Variants in CPXM2 observed in about 807,000 individuals in gnomAD.
CPXM2 encodes the protein inactive carboxypeptidase-like protein X2.
Under a neutral mutation model 86.1 loss-of-function variants are expected in CPXM2, and 66 were observed. That is an observed-to-expected ratio of 0.77 (90% CI 0.63 to 0.94). The LOEUF is 0.94. Among genes scored for constraint, CPXM2 ranks in the 40% least tolerant of loss-of-function variants. The pLI is 0.00. For synonymous variants in CPXM2, 388 were observed against 400.2 expected, an observed-to-expected ratio of 0.97 and a Z score of 0.36; for missense variants, 948 against 1,026.3, an observed-to-expected ratio of 0.92 and a Z score of 1.04.
In CPXM2 at chr10:123,797,965, G is replaced by A; in HGVS notation, c.889+11C>T. On this transcript the variant is annotated intron_variant, in intron 6 of 13. Coordinates refer to ENST00000241305, the MANE Select transcript of CPXM2 (RefSeq NM_198148.3). The stretch of plus-strand genomic sequence containing the variant: ...TCCCACCCTGCAGGAAGCACAGGAG[G>A]GTGAACTCACCTGGCAGTGGGCAGC... 1.3e-6 allele frequency: 2 copies of A among 1,590,474 alleles called. No individual in the cohort carries two copies. Among genetic ancestry groups the A allele is most frequent in the East Asian group, 4.6e-5 (2 of 43,908 alleles).
At position 123,776,636 on chromosome 10, in the gene CPXM2, C is replaced by T. The variant is rs1472160622; in HGVS notation, c.978+3531G>A. 2.6e-5 allele frequency: 4 copies of T among 152,216 alleles called. No homozygotes were observed. The South Asian group carries it at 8.3e-4, about 32-fold the overall frequency. 9.4% of individuals were successfully genotyped at this position (152,216 alleles called of 1,614,324 possible). ...TGCATCCACTCACCAGAACATTCTGCAACCTCACAATCACAATTATGAAGA... is the reference window on the plus strand; with the variant it reads ...TGCATCCACTCACCAGAACATTCTGTAACCTCACAATCACAATTATGAAGA... On this transcript the variant is annotated intron_variant, in intron 7 of 13. Coordinates refer to ENST00000241305, the MANE Select transcript of CPXM2 (RefSeq NM_198148.3).
At chr10:123,853,225 C>G (rs894962282) in intron 3 of CPXM2, among the ~76,000 whole-genome samples, 1 of 152,168 alleles carries the variant, frequency 6.6e-6, no homozygotes, top group African/African-American at 2.4e-5. Context: ...TGAGGCCTCC[C>G]AGAAGCAGAA....
At chr10:123,749,972 A>ATTTT in intron 13 of CPXM2, 1 of 214,714 alleles carries the variant, frequency 4.7e-6, no homozygotes, top group Non-Finnish European at 6.4e-6. Context: ...TGCTCGGCTA[A>ATTTT]TTTTTGTTTT....
At chr10:123,767,898 A>C (rs768660315) in intron 9 of CPXM2, among the ~76,000 whole-genome samples, 11 of 152,252 alleles carry the variant, frequency 7.2e-5, no homozygotes, top group Admixed American at 2.0e-4. Context: ...ACATGCCATG[A>C]TTAAGTCCTC....
At chr10:123,864,220 TGA>T (rs1848927424) in intron 2 of CPXM2, among the ~76,000 whole-genome samples, 1 of 115,076 alleles carries the variant, frequency 8.7e-6, no homozygotes, top group African/African-American at 3.4e-5. Context: ...CGGTCTGTCC[TGA>T]GAGATCCCGC....
chr10:123,756,344 T>C (rs750986089), intron 12 of CPXM2, among the ~76,000 whole-genome samples: 2 of 152,218 alleles, frequency 1.3e-5, no homozygotes, highest in African/African-American at 2.4e-5. Flanking sequence ...GTTTGGTTAG[T>C]TGCAGAACTA....
At position 123,754,669 on chromosome 10, in the gene CPXM2, G is replaced by T; in HGVS notation, c.2011C>A (p.Arg671=). Residue 671 remains arginine (R), a synonymous_variant, in exon 13 of 14, where the codon CGA becomes AGA. Transcript: ENST00000241305. This position sits in a 1 kb window ranked among gnomAD's most constrained non-coding sequence, Gnocchi z 4.0. ...TGCACACATTTGCAGTTACCTGTTC[G>T]GATGTCATGGTTAATGCCTTCTACG... ...ISVEGINHDI[R]TANDGDYWRL... The T allele has an allele frequency of 6.4e-7, 1 of 1,560,800 alleles. No individual in the cohort carries two copies. The highest frequency in any genetic ancestry group is 8.8e-7 in the Non-Finnish European group (1 of 1,131,248).
intron 4 of CPXM2, among the ~76,000 whole-genome samples, chr10:123,801,784 T>C (rs1351570862): frequency 6.6e-6 from 1 of 152,202 alleles, no homozygotes; most frequent in East Asian, 1.9e-4. Context: ...ATACTGTTTA[T>C]ACTCTCTCTT....
At chr10:123,912,674 A>C (rs1311624342) in intron 2 of CPXM2, among the ~76,000 whole-genome samples, 10 of 151,922 alleles carry the variant, frequency 6.6e-5, no homozygotes, top group African/African-American at 2.4e-4. Context: ...AGCCCTCTCC[A>C]CTCCGGCTGG....
At chr10:123,783,407 T>G (rs760562129) in intron 6 of CPXM2, among the ~76,000 whole-genome samples, 2 of 152,200 alleles carry the variant, frequency 1.3e-5, no homozygotes, top group Non-Finnish European at 2.9e-5. Flanking sequence ...GATATGCAAG[T>G]GTAAGCATGT....
At chr10:123,796,399 C>T (rs56141533) in intron 6 of CPXM2, among the ~76,000 whole-genome samples, 14,809 of 152,122 alleles carry the variant, frequency 0.097, 881 homozygotes, top group African/African-American at 0.18. Flanking sequence ...ATTTTTTCCA[C>T]GGGCTAGGGG....
intron 2 of CPXM2, among the ~76,000 whole-genome samples, chr10:123,874,133 G>A (rs1944940091): frequency 6.6e-6 from 1 of 152,076 alleles, no homozygotes. Context: ...AAAGTGCTGG[G>A]ATTACAGGAG....
chr10:123,757,010 G>A (rs1343192707), intron 12 of CPXM2, among the ~76,000 whole-genome samples: 1 of 152,236 alleles, frequency 6.6e-6, no homozygotes, highest in African/African-American at 2.4e-5. Flanking sequence ...CTCCAGGCCA[G>A]TGGGGACAAT....
chr10:123,850,215 A>G (rs907542853), intron 3 of CPXM2, among the ~76,000 whole-genome samples: 9 of 152,238 alleles, frequency 5.9e-5, no homozygotes, highest in African/African-American at 2.2e-4. Context: ...TAATGCTGCT[A>G]TGAACATACC....
At chr10:123,797,606 G>GTCTCACTCCATTGCCCAGGC (rs33953133) in intron 6 of CPXM2, among the ~76,000 whole-genome samples, 63,548 of 151,452 alleles carry the variant, frequency 0.42, 14,866 homozygotes, top group African/African-American at 0.61. Flanking sequence ...TTGAGACAGG[G>GTCTCACTCCATTGCCCAGGC]TGGAGTGTAG....
upstream of CPXM2, among the ~76,000 whole-genome samples, chr10:123,941,149 T>G (rs1006111404): frequency 1.3e-5 from 2 of 152,114 alleles, no homozygotes; most frequent in Non-Finnish European, 2.9e-5. Flanking sequence ...CCAGCCTGGG[T>G]GACAGAGCGA....
At chr10:123,759,417 T>C (rs993727934) in intron 11 of CPXM2, among the ~76,000 whole-genome samples, 2 of 152,182 alleles carry the variant, frequency 1.3e-5, no homozygotes, top group South Asian at 2.1e-4. Flanking sequence ...CTTCAGAGCA[T>C]AGGAAGCTTT....
At chr10:123,894,747 T>C (rs569003634), upstream of CPXM2, among the ~76,000 whole-genome samples, 12 of 152,286 alleles carry the variant, frequency 7.9e-5, no homozygotes, top group South Asian at 2.1e-4. Flanking sequence ...TTCTAATACA[T>C]AGCAGTAAGT....
intron 2 of CPXM2, among the ~76,000 whole-genome samples, chr10:123,903,970 G>A (rs1564818727): frequency 6.6e-6 from 1 of 152,162 alleles, no homozygotes; most frequent in Non-Finnish European, 1.5e-5. Context: ...GGCCCCAGCT[G>A]TGTGAGTTCA....
Sources: gnomAD v4.1 joint callset for allele counts (sites outside exome capture counted in the v4.1 genomes callset) on GRCh38, gnomAD v4.1.1 for gene constraint, Gnocchi (gnomAD v3.1) non-coding constraint, MANE v1.5 for transcripts, NCBI Gene and HGNC (gene_info 2026-07-23, HGNC 2026-07-21) for gene names.